ROBO2: variants seen among roughly 807,000 people sequenced by gnomAD.
ROBO2 encodes roundabout homolog 2.
A neutral mutation model predicts 160.8 loss-of-function variants in ROBO2; 53 were observed. The ratio of observed to expected loss-of-function variants is 0.33; its 90% CI spans 0.26 to 0.41. The LOEUF (loss-of-function observed/expected upper bound fraction) is 0.41. ROBO2 is among the 10% of genes least tolerant of loss of function. The probability of loss-of-function intolerance (pLI) is 1.00; values close to 1 mark genes in which losing one functional copy is unlikely to be tolerated. For synonymous variants in ROBO2, 664 were observed against 611.7 expected (o/e 1.09, Z -1.26); for missense variants, 1,577 against 1,722.4 (o/e 0.92, Z 1.49).
At chr3:76,948,988 T>A (rs12496955) in intron 2 of ROBO2, among the ~76,000 whole-genome samples, 1 of 142,630 alleles carries the variant, frequency 7.0e-6, no homozygotes, top group Admixed American at 7.1e-5. Flanking sequence ...TGACCTGAGG[T>A]GATCCACCCG....
intron 2 of ROBO2, among the ~76,000 whole-genome samples, chr3:76,731,836 G>C (rs1401807275): frequency 6.6e-6 from 1 of 152,316 alleles, no homozygotes; most frequent in Non-Finnish European, 1.5e-5. Flanking sequence ...ATTTTGAAAA[G>C]AGAAGATGGG....
At position 77,580,425 on chromosome 3, in the gene ROBO2, A is replaced by C. The variant is rs4324452; in HGVS notation, c.2500+307A>C. The stretch of plus-strand genomic sequence containing the variant: ...ATTTTGGTGCCATTGAAATATAATA[A>C]AAATGAGATAGTTACTGAAGAGAGA... On this transcript the variant is annotated intron_variant, in intron 16 of 25. Coordinates refer to ENST00000461745, the Ensembl canonical transcript of ROBO2. Among the ~76,000 whole-genome samples, 90,120 of 151,900 alleles carry C rather than the reference A, an allele frequency of 0.59. 26,816 individuals are homozygous for C. The highest frequency in any genetic ancestry group is 0.71 in the Middle Eastern group (210 of 294).
chr3:76,050,813 C>G (rs367892588), intron 2 of ROBO2, among the ~76,000 whole-genome samples: 1 of 152,316 alleles, frequency 6.6e-6, no homozygotes, highest in East Asian at 1.9e-4. Flanking sequence ...AAAGGGAATT[C>G]ACAGAAGTCT....
chr3:77,300,875 T>C (rs1445812521), intron 2 of ROBO2, among the ~76,000 whole-genome samples: 3 of 151,188 alleles, frequency 2.0e-5, no homozygotes, highest in Admixed American at 2.0e-4. Flanking sequence ...TTTATTTATT[T>C]ATTTATTTAT....
intron 6 of ROBO2, 135 bp from the exon 7 acceptor site, chr3:77,527,268 T>C (rs2091254204): frequency 4.2e-6 from 2 of 480,226 alleles, no homozygotes; most frequent in Admixed American, 7.0e-5. Flanking sequence ...TTGGTCATAC[T>C]TGAATTGTGA....
chr3:77,400,163 A>C (rs960884434), intron 2 of ROBO2, among the ~76,000 whole-genome samples: 1 of 152,076 alleles, frequency 6.6e-6, no homozygotes, highest in Non-Finnish European at 1.5e-5. Flanking sequence ...TTATTTAAAA[A>C]TTTTCCTTAT....
chr3:76,288,209 G>A (rs1351667882), intron 2 of ROBO2, among the ~76,000 whole-genome samples: 5 of 152,074 alleles, frequency 3.3e-5, no homozygotes, highest in Non-Finnish European at 7.4e-5. Flanking sequence ...ACAAATGTCA[G>A]TAGACTAATT....
At chr3:76,107,576 G>T (rs2070001969) in intron 2 of ROBO2, among the ~76,000 whole-genome samples, 1 of 151,674 alleles carries the variant, frequency 6.6e-6, no homozygotes, top group South Asian at 2.1e-4. Context: ...CCCTTCCTTT[G>T]CATACGCTAT....
At chr3:77,633,879 G>A (rs1458080544) in intron 23 of ROBO2, 1 of 152,174 alleles carries the variant, frequency 6.6e-6, no homozygotes, top group Non-Finnish European at 1.5e-5. Flanking sequence ...GAACGTGCAA[G>A]GAAACTAATA....
chr3:76,242,223 C>CA (rs1167677584), intron 2 of ROBO2, among the ~76,000 whole-genome samples: 1 of 152,042 alleles, frequency 6.6e-6, no homozygotes, highest in African/African-American at 2.4e-5. Flanking sequence ...CTGTTCTAGC[C>CA]AGTTACATTA....
intron 2 of ROBO2, among the ~76,000 whole-genome samples, chr3:77,005,567 G>A (rs1286622275): frequency 6.6e-6 from 1 of 152,080 alleles, no homozygotes; most frequent in African/African-American, 2.4e-5. Flanking sequence ...GTGTACCTAT[G>A]GATCTTCTTT....
At chr3:77,499,083 C>T (rs765918303) in intron 5 of ROBO2, among the ~76,000 whole-genome samples, 1 of 152,216 alleles carries the variant, frequency 6.6e-6, no homozygotes, top group Non-Finnish European at 1.5e-5. Context: ...ACTTCATGAG[C>T]AATGACTGTG....
At chr3:76,885,318 T>A (rs766217580) in intron 2 of ROBO2, among the ~76,000 whole-genome samples, 14 of 152,200 alleles carry the variant, frequency 9.2e-5, no homozygotes, top group Non-Finnish European at 1.8e-4. Flanking sequence ...AGGTGACTAT[T>A]GAATTAAGCT....
intron 2 of ROBO2, among the ~76,000 whole-genome samples, chr3:76,285,941 T>C (rs1708484323): frequency 6.6e-6 from 1 of 152,156 alleles, no homozygotes; most frequent in South Asian, 2.1e-4. Context: ...TTCTCTTCCT[T>C]TACTGTTTAA....
At chr3:76,710,695 TG>T in intron 2 of ROBO2, among the ~76,000 whole-genome samples, 1 of 152,108 alleles carries the variant, frequency 6.6e-6, no homozygotes, top group Non-Finnish European at 1.5e-5. Context: ...TAGAGAATAA[TG>T]AACTATTGAA....
At chr3:76,872,395 T>G (rs2072200267) in intron 2 of ROBO2, among the ~76,000 whole-genome samples, 1 of 152,166 alleles carries the variant, frequency 6.6e-6, no homozygotes, top group Admixed American at 6.5e-5. Flanking sequence ...ACACTCAAAT[T>G]TTTTTTGTTG....
Position 76,085,112 on chromosome 3 carries a change from TATATAC to T in ROBO2, c.109+147512_109+147517del, listed in dbSNP as rs749126130. ...AAACCCCCCAGTTTACATATATATA[TATATAC>T]ACACACACACACACACACACACATA... is the stretch of plus-strand genomic sequence containing the variant. On this transcript the variant is annotated intron_variant, in intron 2 of 26. Coordinates refer to the ROBO2 transcript ENST00000487694. Among the ~76,000 whole-genome samples the T allele has an allele frequency of 2.0e-3, 300 of 146,570 alleles. 1 individual carries two copies. The highest frequency in any genetic ancestry group is 3.3e-3 in the African/African-American group (125 of 38,222).
intron 2 of ROBO2, among the ~76,000 whole-genome samples, chr3:76,670,148 A>C (rs1198107876): frequency 6.6e-6 from 1 of 152,190 alleles, no homozygotes; most frequent in Admixed American, 6.6e-5. Context: ...TTTTAGATAG[A>C]TACAGAAACC....
At chr3:76,881,049 C>T (rs1382704337) in intron 2 of ROBO2, among the ~76,000 whole-genome samples, 1 of 152,148 alleles carries the variant, frequency 6.6e-6, no homozygotes, top group Non-Finnish European at 1.5e-5. Flanking sequence ...GGGCCATTAG[C>T]TGTGATGCTT....
Sources: allele counts gnomAD v4.1 joint callset (sites outside exome capture counted in the v4.1 genomes callset), GRCh38; gene constraint gnomAD v4.1.1; transcripts MANE v1.5; gene names NCBI Gene and HGNC (gene_info 2026-07-23, HGNC 2026-07-21).